Variants in LGSN observed in about 807,000 individuals in gnomAD.
LGSN encodes lengsin, lens protein with glutamine synthetase domain.
In LGSN, 21 loss-of-function variants were observed where a neutral mutation model predicts 19.5. The observed-to-expected ratio is 1.07, with a 90% CI of 0.76 to 1.55. The LOEUF (loss-of-function observed/expected upper bound fraction) is 1.55. Among genes scored for constraint, LGSN ranks in the 40% most tolerant of loss-of-function variants. LGSN has a pLI of 0.00. For missense variants in LGSN, 673 were observed against 608.5 expected (o/e 1.11, Z -1.12); for synonymous variants, 257 against 215.6 (o/e 1.19, Z -1.68).
At chr6:63,555,098 C>T in the LGSN span, among the ~76,000 whole-genome samples, 4 of 152,108 alleles carry the variant, frequency 2.6e-5, no homozygotes, top group Non-Finnish European at 5.9e-5. Flanking sequence ...TTCATCTTTC[C>T]ACTCCCAAAA....
At chr6:63,495,806 T>C in the LGSN span, among the ~76,000 whole-genome samples, 2 of 152,022 alleles carry the variant, frequency 1.3e-5, no homozygotes, top group African/African-American at 4.8e-5. Context: ...GAAAATTTAA[T>C]AAATACTGCA....
chr6:63,556,577 A>G, the LGSN span, among the ~76,000 whole-genome samples: 3 of 152,216 alleles, frequency 2.0e-5, no homozygotes, highest in African/African-American at 7.2e-5. Context: ...CTCATAATGC[A>G]TAATGGGAGG....
the LGSN span, among the ~76,000 whole-genome samples, chr6:63,402,161 C>T: frequency 3.0e-4 from 45 of 152,036 alleles, no homozygotes; most frequent in African/African-American, 9.9e-4. Flanking sequence ...ATTTGGCTCA[C>T]GAAAGAAATA....
At chr6:63,505,671 T>C in the LGSN span, among the ~76,000 whole-genome samples, 1 of 151,134 alleles carries the variant, frequency 6.6e-6, no homozygotes, top group African/African-American at 2.4e-5. Flanking sequence ...TTTGTTTTGT[T>C]TTGTTTTGTT....
chr6:63,360,845 C>T, the LGSN span, among the ~76,000 whole-genome samples: 1 of 152,152 alleles, frequency 6.6e-6, no homozygotes, highest in Non-Finnish European at 1.5e-5. Context: ...GTGTGGATGT[C>T]CTTTCTGTTT....
At chr6:63,377,257 G>A in the LGSN span, among the ~76,000 whole-genome samples, 3 of 152,136 alleles carry the variant, frequency 2.0e-5, no homozygotes, top group South Asian at 6.2e-4. Flanking sequence ...ATGAATTATG[G>A]CAAGCCAATA....
chr6:63,500,287 TCATAGAGTAGC>T, the LGSN span, among the ~76,000 whole-genome samples: 2 of 152,044 alleles, frequency 1.3e-5, no homozygotes, highest in African/African-American at 4.8e-5. Flanking sequence ...GATTATAATC[TCATAGAGTAGC>T]CATCACTGCT....
At chr6:63,496,182 C>T in the LGSN span, among the ~76,000 whole-genome samples, 1 of 152,158 alleles carries the variant, frequency 6.6e-6, no homozygotes, top group African/African-American at 2.4e-5. Context: ...GCCTTGGCCT[C>T]GCAAAGTGCT....
chr6:63,544,536 A>C, the LGSN span, among the ~76,000 whole-genome samples: 4 of 152,166 alleles, frequency 2.6e-5, no homozygotes, highest in Non-Finnish European at 4.4e-5. Flanking sequence ...TAGTTGTCGA[A>C]GTAACATCCT....
At chr6:63,420,277 GC>G in the LGSN span, among the ~76,000 whole-genome samples, 1 of 152,044 alleles carries the variant, frequency 6.6e-6, no homozygotes, top group Non-Finnish European at 1.5e-5. Flanking sequence ...GGCCCCCTGG[GC>G]CCATAAAACT....
intron 1 of LGSN, among the ~76,000 whole-genome samples, chr6:63,295,264 T>C (rs2127388227): frequency 6.6e-6 from 1 of 152,338 alleles, no homozygotes; most frequent in East Asian, 1.9e-4. Context: ...TCCTTTTATA[T>C]GTGATACAGA....
chr6:63,566,915 G>T, the LGSN span, among the ~76,000 whole-genome samples: 1 of 152,216 alleles, frequency 6.6e-6, no homozygotes, highest in African/African-American at 2.4e-5. Context: ...TTTCAACAAT[G>T]CTTACGGCAT....
the LGSN span, among the ~76,000 whole-genome samples, chr6:63,454,903 C>G: frequency 6.8e-6 from 1 of 146,490 alleles, no homozygotes; most frequent in African/African-American, 2.5e-5. Flanking sequence ...AGTGTTTCTC[C>G]TGCCTCAGCC....
At chr6:63,349,454 A>C in the LGSN span, among the ~76,000 whole-genome samples, 2 of 152,250 alleles carry the variant, frequency 1.3e-5, no homozygotes, top group South Asian at 2.1e-4. Context: ...TGTTGCTGTG[A>C]AAAGATTTGT....
the LGSN span, among the ~76,000 whole-genome samples, chr6:63,450,830 A>G: frequency 6.6e-6 from 1 of 151,712 alleles, no homozygotes; most frequent in East Asian, 2.0e-4. Context: ...ACGCCATCAC[A>G]CCTGGCCAAT....
At chr6:63,302,288 T>C (rs971475077) in intron 1 of LGSN, among the ~76,000 whole-genome samples, 2 of 152,238 alleles carry the variant, frequency 1.3e-5, no homozygotes, top group African/African-American at 4.8e-5. Context: ...CCAAATTTCC[T>C]TGTCAATTGC....
the LGSN span, among the ~76,000 whole-genome samples, chr6:63,403,101 C>CAGAGAGAG: frequency 7.7e-4 from 115 of 148,858 alleles, no homozygotes; most frequent in African/African-American, 2.6e-3. Flanking sequence ...GAGAGAGAGA[C>CAGAGAGAG]AGAGAGAGAG....
At chr6:63,288,329 TG>T (rs1767628818) in intron 2 of LGSN, among the ~76,000 whole-genome samples, 1 of 151,746 alleles carries the variant, frequency 6.6e-6, no homozygotes, top group Admixed American at 6.6e-5. Context: ...CTATTCATAC[TG>T]AACGTGTACC....
At chr6:63,288,026 C>A (rs1767610869) in intron 2 of LGSN, among the ~76,000 whole-genome samples, 1 of 151,720 alleles carries the variant, frequency 6.6e-6, no homozygotes, top group African/African-American at 2.4e-5. Context: ...CCAGCCTGAC[C>A]TACATGGTGA....
Sources: allele counts gnomAD v4.1 joint callset (sites outside exome capture counted in the v4.1 genomes callset), GRCh38; gene constraint gnomAD v4.1.1; transcripts MANE v1.5; gene names NCBI Gene and HGNC (gene_info 2026-07-23, HGNC 2026-07-21).